The following RBMS3 variants were observed in gnomAD, a reference collection of about 807,000 sequenced individuals.
The protein encoded by RBMS3 is RNA binding motif single stranded interacting protein 3.
RBMS3 carries 27 observed loss-of-function variants against 66.8 expected under a neutral mutation model. That is an observed-to-expected ratio of 0.40 (90% CI 0.30 to 0.56). The LOEUF is 0.56. RBMS3 is among the 20% of genes least tolerant of loss of function. The probability of loss-of-function intolerance (pLI) is 0.40; values close to 1 mark genes in which losing one functional copy is unlikely to be tolerated. For synonymous variants in RBMS3, 188 were observed against 183.0 expected (o/e 1.03, Z -0.22); for missense variants, 513 against 549.5 (o/e 0.93, Z 0.66).
At chr3:29,506,812 G>C (rs1008254500) in intron 3 of RBMS3, among the ~76,000 whole-genome samples, 6 of 151,742 alleles carry the variant, frequency 4.0e-5, no homozygotes, top group African/African-American at 1.4e-4. Context: ...TTATGTTTTA[G>C]TTTTATGTGT....
chr3:29,431,386 G>C (rs577366797), intron 1 of RBMS3, among the ~76,000 whole-genome samples: 1 of 147,338 alleles, frequency 6.8e-6, no homozygotes, highest in Non-Finnish European at 1.5e-5. Flanking sequence ...TCTGACTCTC[G>C]GGTTCAAGTG....
chr3:29,392,975 A>G (rs879920254), intron 1 of RBMS3, among the ~76,000 whole-genome samples: 2 of 152,074 alleles, frequency 1.3e-5, no homozygotes, highest in Non-Finnish European at 2.9e-5. Context: ...TGTCAGGGTC[A>G]GATTCACCCT....
chr3:29,281,825 G>C, intron 1 of RBMS3, 69 bp downstream of exon 1: 1 of 1,355,212 alleles, frequency 7.4e-7, no homozygotes, highest in Non-Finnish European at 1.0e-6. Context: ...AAACAGACAG[G>C]CGTGTGAATT....
intron 3 of RBMS3, among the ~76,000 whole-genome samples, chr3:29,517,529 TA>T (rs954496313): frequency 6.6e-6 from 1 of 152,056 alleles, no homozygotes; most frequent in Non-Finnish European, 1.5e-5. Flanking sequence ...TTCACCTTGT[TA>T]GCCAGGATGG....
chr3:29,555,498 T>C lies in RBMS3; in HGVS notation c.308-31616T>C, dbSNP rs74647459. 5.8e-3 allele frequency among the ~76,000 whole-genome samples: 885 copies of C among 152,296 alleles called. 16 individuals are homozygous for C. The highest frequency in any genetic ancestry group is 0.021 in the African/African-American group (857 of 41,566). On this transcript the variant is annotated intron_variant, in intron 3 of 14. Transcript: ENST00000383767. ...GCCAAGTAATCCGTCTGCTTGAGGATCTAGAAGGAATTAGAATACTTTGAG... is the reference window on the plus strand; with the variant it reads ...GCCAAGTAATCCGTCTGCTTGAGGACCTAGAAGGAATTAGAATACTTTGAG...
At chr3:29,377,664 G>A (rs2038547588) in intron 1 of RBMS3, among the ~76,000 whole-genome samples, 1 of 152,152 alleles carries the variant, frequency 6.6e-6, no homozygotes, top group South Asian at 2.1e-4. Flanking sequence ...GCCTGACTTT[G>A]GACCATGTGT....
intron 6 of RBMS3, among the ~76,000 whole-genome samples, chr3:29,784,464 A>G (rs1472287007): frequency 6.6e-6 from 1 of 152,096 alleles, no homozygotes; most frequent in African/African-American, 2.4e-5. Context: ...TCAAGAGGAA[A>G]ATTTAAAAAT....
intron 4 of RBMS3, among the ~76,000 whole-genome samples, chr3:29,704,589 G>A (rs1456401204): frequency 6.6e-6 from 1 of 152,084 alleles, no homozygotes; most frequent in African/African-American, 2.4e-5. Flanking sequence ...TAGGATTATT[G>A]TGATAAAATA....
chr3:29,350,844 AAAAC>A (rs2036867465), intron 1 of RBMS3, among the ~76,000 whole-genome samples: 1 of 152,146 alleles, frequency 6.6e-6, no homozygotes, highest in Non-Finnish European at 1.5e-5. Flanking sequence ...AGGTAAAAGA[AAAAC>A]AAAGTAAAAA....
chr3:29,467,980 G>T (rs142788325), intron 2 of RBMS3, among the ~76,000 whole-genome samples: 5 of 152,224 alleles, frequency 3.3e-5, no homozygotes, highest in African/African-American at 1.2e-4. Context: ...TCTTGGTAGA[G>T]GACTAAATAA....
chr3:29,955,616 C>T (rs554174972), intron 12 of RBMS3, among the ~76,000 whole-genome samples: 9 of 152,114 alleles, frequency 5.9e-5, no homozygotes, highest in African/African-American at 2.2e-4. Flanking sequence ...GGCACAGTAC[C>T]ATTTGTTTAT....
intron 6 of RBMS3, among the ~76,000 whole-genome samples, chr3:29,866,274 T>C (rs9862029): frequency 0.018 from 2,800 of 152,226 alleles, 72 homozygotes; most frequent in South Asian, 0.059. Flanking sequence ...GTACAGTTTA[T>C]TTTATGTCAG....
chr3:29,371,145 G>A (rs545275147), intron 1 of RBMS3, among the ~76,000 whole-genome samples: 3 of 152,172 alleles, frequency 2.0e-5, no homozygotes, highest in Non-Finnish European at 4.4e-5. Flanking sequence ...TCATGGAGTG[G>A]GAAGTGTCTT....
At chr3:29,583,712 T>G (rs1352748681) in intron 3 of RBMS3, among the ~76,000 whole-genome samples, 1 of 152,130 alleles carries the variant, frequency 6.6e-6, no homozygotes, top group Non-Finnish European at 1.5e-5. Context: ...CTATAAATTA[T>G]CCACTTGTCC....
rs532959279 is a variant in RBMS3 at position 29,903,131 on chromosome 3, A to G, written c.939+3376A>G. 2.0e-5 allele frequency: 3 copies of G among 151,534 alleles called. No homozygotes were observed. The East Asian group carries it at 5.8e-4, about 29-fold the overall frequency. 9.4% of individuals were successfully genotyped at this position (151,534 alleles called of 1,614,324 possible). On this transcript the variant is annotated intron_variant, in intron 10 of 14. Coordinates refer to ENST00000383767, the MANE Select transcript of RBMS3 (RefSeq NM_001003793.3). Reference sequence around the variant, plus strand: ...CTAAGTAATGTGCTTGTAGATTTAGAAAAAAAATACTCTGGGAAGAAAGGA... The same window carrying G: ...CTAAGTAATGTGCTTGTAGATTTAGGAAAAAAATACTCTGGGAAGAAAGGA...
At chr3:29,736,425 A>C (rs1285952412) in intron 4 of RBMS3, among the ~76,000 whole-genome samples, 1 of 152,264 alleles carries the variant, frequency 6.6e-6, no homozygotes, top group Non-Finnish European at 1.5e-5. Flanking sequence ...CAATGCATTC[A>C]ATACTCAGGG....
intron 2 of RBMS3, among the ~76,000 whole-genome samples, chr3:29,477,453 T>TAACAAACAAACA (rs35287781): frequency 5.3e-5 from 8 of 150,884 alleles, no homozygotes; most frequent in African/African-American, 1.7e-4. Context: ...GTCAGGGATA[T>TAACAAACAAACA]AACAAACAAA....
intron 5 of RBMS3, among the ~76,000 whole-genome samples, chr3:29,741,117 A>C (rs948536707): frequency 6.6e-6 from 1 of 152,026 alleles, no homozygotes; most frequent in African/African-American, 2.4e-5. Flanking sequence ...ATCGTCATGT[A>C]TATGTTAACT....
chr3:29,695,234 A>G (rs2052211093), intron 4 of RBMS3, among the ~76,000 whole-genome samples: 1 of 152,220 alleles, frequency 6.6e-6, no homozygotes, highest in Non-Finnish European at 1.5e-5. Flanking sequence ...AAGAAAGGAT[A>G]AATAAAACTA....
Sources: allele counts gnomAD v4.1 joint callset (sites outside exome capture counted in the v4.1 genomes callset), GRCh38; gene constraint gnomAD v4.1.1; transcripts MANE v1.5; gene names NCBI Gene and HGNC (gene_info 2026-07-23, HGNC 2026-07-21).